The following FARS2 variants were observed in gnomAD, a reference collection of about 807,000 sequenced individuals.
FARS2 encodes phenylalanyl-tRNA synthetase 2, mitochondrial.
Under a neutral mutation model 46.4 loss-of-function variants are expected in FARS2, and 40 were observed. The ratio of observed to expected loss-of-function variants is 0.86; its 90% CI spans 0.67 to 1.12. The LOEUF (loss-of-function observed/expected upper bound fraction) is 1.12, where lower values mean the gene tolerates loss of function less well. Among genes scored for constraint, FARS2 ranks in the 50% most tolerant of loss-of-function variants. The pLI is 0.00. For missense variants in FARS2, 513 were observed against 567.9 expected, an observed-to-expected ratio of 0.90 and a Z score of 0.98; for synonymous variants, 234 against 214.9, an observed-to-expected ratio of 1.09 and a Z score of -0.78.
At chr6:5,395,168 A>T (rs553209407) in intron 2 of FARS2, among the ~76,000 whole-genome samples, 1 of 152,080 alleles carries the variant, frequency 6.6e-6, no homozygotes, top group Admixed American at 6.6e-5. Context: ...CTCCTGCCTC[A>T]GCCTTCTGAG....
chr6:5,717,935 T>TAGAGAGAGAG (rs546191530), intron 6 of FARS2, among the ~76,000 whole-genome samples: 2 of 135,630 alleles, frequency 1.5e-5, no homozygotes, highest in African/African-American at 3.1e-5. Context: ...TATATATATA[T>TAGAGAGAGAG]ACAGAGTCTC....
intron 3 of FARS2, among the ~76,000 whole-genome samples, chr6:5,429,574 G>A (rs1763044759): frequency 6.6e-6 from 1 of 152,180 alleles, no homozygotes; most frequent in African/African-American, 2.4e-5. Context: ...GGGAGTTTGA[G>A]TCAGGAGGAT....
chr6:5,552,697 A>G (rs527833808), intron 5 of FARS2, among the ~76,000 whole-genome samples: 2 of 152,362 alleles, frequency 1.3e-5, no homozygotes, highest in South Asian at 2.1e-4. Context: ...TTCATTTTAC[A>G]TATTTTGAAT....
At chr6:5,564,925 C>CT (rs929339307) in intron 5 of FARS2, among the ~76,000 whole-genome samples, 2 of 152,086 alleles carry the variant, frequency 1.3e-5, no homozygotes, top group Admixed American at 1.3e-4. Flanking sequence ...TCCTAAGGGG[C>CT]TTTTTTTAAT....
At chr6:5,509,514 G>A (rs1433131618) in intron 4 of FARS2, among the ~76,000 whole-genome samples, 4 of 152,186 alleles carry the variant, frequency 2.6e-5, no homozygotes, top group Non-Finnish European at 4.4e-5. Context: ...AGTGCAGCTC[G>A]GCAGACAAGG....
At chr6:5,562,405 T>G (rs1427573939) in intron 5 of FARS2, among the ~76,000 whole-genome samples, 2 of 152,164 alleles carry the variant, frequency 1.3e-5, no homozygotes, top group African/African-American at 4.8e-5. Context: ...GAGTATCTCT[T>G]CTTTCTGTGG....
intron 6 of FARS2, among the ~76,000 whole-genome samples, chr6:5,745,040 C>T (rs1761558420): frequency 6.6e-6 from 1 of 152,190 alleles, no homozygotes; most frequent in South Asian, 2.1e-4. Flanking sequence ...TAGTCTGTAC[C>T]ATTCATGCCA....
At chr6:5,709,730 TTGTG>T in intron 6 of FARS2, among the ~76,000 whole-genome samples, 1 of 96,754 alleles carries the variant, frequency 1.0e-5, no homozygotes, top group East Asian at 3.1e-4. Context: ...GGGGGTGGGG[TTGTG>T]TGTGTGTGTG....
chr6:5,540,497 C>CT lies in FARS2; in HGVS notation c.905-4677dup, dbSNP rs200987067. Among the ~76,000 whole-genome samples the CT allele has an allele frequency of 9.6e-3, 1,457 of 152,284 alleles. 19 individuals are homozygous for CT. The highest frequency in any genetic ancestry group is 0.033 in the African/African-American group (1,369 of 41,550). On this transcript the variant is annotated intron_variant, in intron 4 of 6. Coordinates refer to ENST00000274680, the MANE Select transcript of FARS2 (RefSeq NM_006567.5). Reference sequence around the variant, plus strand: ...AACTTTGCTTTTCAGAACACCAGCCCTTTTTTGCTTTTCTCTGAGACATCA... The same window carrying CT: ...AACTTTGCTTTTCAGAACACCAGCCCTTTTTTTGCTTTTCTCTGAGACATCA...
In FARS2 at chr6:5,304,698, C is replaced by T. The variant is rs1330627500; in HGVS notation, c.-22+43038C>T. 1.3e-5 allele frequency among the ~76,000 whole-genome samples: 2 copies of T among 152,202 alleles called. 1 individual carries two copies. The highest frequency in any genetic ancestry group is 3.9e-4 in the East Asian group (2 of 5,176). ...GGCGCGTTTGTGTATTGATTTAAGC[C>T]CAGGGACACCATGCATTGCCTTTGT... is the stretch of plus-strand genomic sequence containing the variant. On this transcript the variant is annotated intron_variant, in intron 1 of 6. Transcript: ENST00000274680.
intron 6 of FARS2, among the ~76,000 whole-genome samples, chr6:5,742,348 T>C (rs2150953487): frequency 6.6e-6 from 1 of 152,332 alleles, no homozygotes; most frequent in Middle Eastern, 3.4e-3. Flanking sequence ...CTTATCCCTT[T>C]CATTCTAAAC....
intron 6 of FARS2, among the ~76,000 whole-genome samples, chr6:5,698,944 G>A (rs1458241103): frequency 6.6e-6 from 1 of 152,188 alleles, no homozygotes; most frequent in East Asian, 1.9e-4. Context: ...CACACCACCT[G>A]CGTGTCCTGC....
intron 6 of FARS2, among the ~76,000 whole-genome samples, chr6:5,683,243 G>A (rs557130660): frequency 1.3e-5 from 2 of 152,336 alleles, no homozygotes; most frequent in South Asian, 2.1e-4. Context: ...AATGGAGAGA[G>A]TCAGGGTCAC....
intron 4 of FARS2, among the ~76,000 whole-genome samples, chr6:5,524,855 G>A (rs1769363685): frequency 6.6e-6 from 1 of 152,170 alleles, no homozygotes; most frequent in South Asian, 2.1e-4. Flanking sequence ...CTAACTGTAT[G>A]GCTATGCTTA....
At chr6:5,519,583 A>G (rs1769008386) in intron 4 of FARS2, among the ~76,000 whole-genome samples, 1 of 152,186 alleles carries the variant, frequency 6.6e-6, no homozygotes, top group Non-Finnish European at 1.5e-5. Context: ...TAAGGCTATT[A>G]ATTTCTGTAC....
At chr6:5,758,769 T>C (rs1235823293) in intron 6 of FARS2, among the ~76,000 whole-genome samples, 1 of 152,098 alleles carries the variant, frequency 6.6e-6, no homozygotes, top group East Asian at 1.9e-4. Flanking sequence ...CTCCTATTGT[T>C]AAAAAATGGA....
chr6:5,400,465 T>C (rs1011515237), intron 2 of FARS2, among the ~76,000 whole-genome samples: 5 of 151,970 alleles, frequency 3.3e-5, no homozygotes, highest in African/African-American at 1.2e-4. Flanking sequence ...ATTTTTAGTT[T>C]TATTGTATTT....
intron 5 of FARS2, among the ~76,000 whole-genome samples, chr6:5,562,888 C>G (rs1272143122): frequency 6.6e-6 from 1 of 151,446 alleles, no homozygotes; most frequent in African/African-American, 2.4e-5. Context: ...AGTGCAACCT[C>G]TATCTCCCAG....
At chr6:5,349,823 G>T (rs993630644) in intron 1 of FARS2, among the ~76,000 whole-genome samples, 3 of 150,622 alleles carry the variant, frequency 2.0e-5, no homozygotes, top group Non-Finnish European at 4.4e-5. Context: ...GTGTTTAGTA[G>T]AATGTCTGTC....
Sources: gnomAD v4.1 joint callset for allele counts (sites outside exome capture counted in the v4.1 genomes callset) on GRCh38, gnomAD v4.1.1 for gene constraint, MANE v1.5 for transcripts, NCBI Gene and HGNC (gene_info 2026-07-23, HGNC 2026-07-21) for gene names.